NCAM1: variants seen among roughly 807,000 people sequenced by gnomAD.
NCAM1 encodes the protein neural cell adhesion molecule 1, also known as antigen recognized by monoclonal antibody 5.1H11.
NCAM1 carries 14 observed loss-of-function variants against 109.8 expected under a neutral mutation model. That is an observed-to-expected ratio of 0.13 (90% CI 0.08 to 0.20). NCAM1 has a LOEUF of 0.20. Among genes scored for constraint, NCAM1 ranks in the 10% least tolerant of loss-of-function variants. The probability of loss-of-function intolerance (pLI) is 1.00; values close to 1 mark genes in which losing one functional copy is unlikely to be tolerated. For missense variants in NCAM1, 774 were observed against 1,109.9 expected (o/e 0.70, Z 4.30); for synonymous variants, 418 against 442.9 (o/e 0.94, Z 0.70).
chr11:113,053,668 C>G (rs1953590423), intron 1 of NCAM1, among the ~76,000 whole-genome samples: 1 of 152,148 alleles, frequency 6.6e-6, no homozygotes, highest in Admixed American at 6.5e-5. Context: ...ATTTTCTAAA[C>G]TTTTCCCAGT....
rs535814539 is a variant in NCAM1 at position 113,227,077 on chromosome 11, G to C, written c.1090-4568G>C. On this transcript the variant is annotated intron_variant, in intron 9 of 19. Transcript: ENST00000316851. ...CTAGCAGAAGGCAAGAAATAACTAA[G>C]ATCAGAGCAGAACTGAAGGAGACAG... 7.8e-3 allele frequency among the ~76,000 whole-genome samples: 1,191 copies of C among 152,168 alleles called. 17 individuals carry two copies. The highest frequency in any genetic ancestry group is 0.028 in the African/African-American group (1,142 of 41,526).
At chr11:113,272,846 C>T (rs372637374) in intron 19 of NCAM1, 3 of 445,710 alleles carry the variant, frequency 6.7e-6, no homozygotes, top group East Asian at 7.0e-5. Flanking sequence ...CCCATGGTCC[C>T]TGTCCTGGGC....
At chr11:112,998,684 T>C (rs2134943659) in intron 1 of NCAM1, among the ~76,000 whole-genome samples, 1 of 152,228 alleles carries the variant, frequency 6.6e-6, no homozygotes, top group South Asian at 2.1e-4. Flanking sequence ...TCTCCCAGTT[T>C]CAGTTACCAC....
At chr11:113,275,014 G>A (rs1946372388) in intron 19 of NCAM1, among the ~76,000 whole-genome samples, 1 of 152,232 alleles carries the variant, frequency 6.6e-6, no homozygotes, top group African/African-American at 2.4e-5. Flanking sequence ...TCTCAACTAT[G>A]GCTGCACATT....
intron 1 of NCAM1, among the ~76,000 whole-genome samples, chr11:113,085,876 A>ATG (rs1423879495): frequency 6.6e-6 from 1 of 152,202 alleles, no homozygotes; most frequent in East Asian, 1.9e-4. Flanking sequence ...GTTCATATAT[A>ATG]TTCTATAAAT....
At chr11:113,149,982 A>G (rs72997770) in intron 1 of NCAM1, among the ~76,000 whole-genome samples, 1,943 of 152,312 alleles carry the variant, frequency 0.013, 17 homozygotes, top group Non-Finnish European at 0.021. Flanking sequence ...TCATTTGCAT[A>G]AAAGTGAGAA....
At chr11:113,200,807 G>A (rs1262819107) in intron 1 of NCAM1, among the ~76,000 whole-genome samples, 1 of 152,218 alleles carries the variant, frequency 6.6e-6, no homozygotes, top group Non-Finnish European at 1.5e-5. Flanking sequence ...AGCTCTGTGT[G>A]CTGCGACCAC....
intron 9 of NCAM1, among the ~76,000 whole-genome samples, chr11:113,226,171 C>T (rs1944840422): frequency 6.6e-6 from 1 of 152,228 alleles, no homozygotes; most frequent in Non-Finnish European, 1.5e-5. Context: ...CATCAGTGTG[C>T]TGTATTCAGG....
chr11:113,192,424 AG>A (rs10713812), intron 1 of NCAM1, among the ~76,000 whole-genome samples: 128,432 of 152,128 alleles, frequency 0.84, 54,305 homozygotes, highest in African/African-American at 0.89. Flanking sequence ...AGAACAGGAA[AG>A]GTGGCCTGAA....
intron 1 of NCAM1, among the ~76,000 whole-genome samples, chr11:113,168,356 A>G (rs1252618140): frequency 6.6e-6 from 1 of 152,098 alleles, no homozygotes; most frequent in African/African-American, 2.4e-5. Context: ...TTGGAATTCC[A>G]GCTCACATCT....
At chr11:113,087,517 A>G (rs1387971969) in intron 1 of NCAM1, among the ~76,000 whole-genome samples, 1 of 152,194 alleles carries the variant, frequency 6.6e-6, no homozygotes, top group African/African-American at 2.4e-5. Context: ...TTTGCCATTC[A>G]GTCTCATTTT....
At chr11:113,074,734 C>T (rs148296954) in intron 1 of NCAM1, among the ~76,000 whole-genome samples, 1,557 of 152,242 alleles carry the variant, frequency 0.01, 24 homozygotes, top group African/African-American at 0.036. Flanking sequence ...CAGGTTCAAG[C>T]GATTCTGCTG....
At chr11:113,231,129 G>A (rs782264232) in intron 9 of NCAM1, 55 of 1,394,590 alleles carry the variant, frequency 3.9e-5, no homozygotes, top group Middle Eastern at 1.7e-4. Flanking sequence ...CAGGAAAGAG[G>A]CATCTGCAGA....
chr11:113,094,028 A>T (rs1555089871), intron 1 of NCAM1, among the ~76,000 whole-genome samples: 1 of 152,198 alleles, frequency 6.6e-6, no homozygotes, highest in Non-Finnish European at 1.5e-5. Context: ...CTTTAAGGAT[A>T]GATAAAACAA....
chr11:113,083,226 T>C (rs1316908021), intron 1 of NCAM1, among the ~76,000 whole-genome samples: 1 of 152,200 alleles, frequency 6.6e-6, no homozygotes, highest in Non-Finnish European at 1.5e-5. Context: ...ATCCCTTCTA[T>C]AATTTCATCC....
chr11:113,079,567 A>C (rs1938692616), intron 1 of NCAM1, among the ~76,000 whole-genome samples: 1 of 152,248 alleles, frequency 6.6e-6, no homozygotes, highest in Non-Finnish European at 1.5e-5. Context: ...CATTGGGTTA[A>C]TGTGAACATG....
At chr11:113,141,091 G>A (rs1407783870) in intron 1 of NCAM1, among the ~76,000 whole-genome samples, 1 of 152,106 alleles carries the variant, frequency 6.6e-6, no homozygotes, top group Non-Finnish European at 1.5e-5. Flanking sequence ...TTGTAAGCCA[G>A]CTGTTCATTT....
intron 1 of NCAM1, among the ~76,000 whole-genome samples, chr11:113,091,117 A>G (rs1244943019): frequency 6.6e-6 from 1 of 152,180 alleles, no homozygotes; most frequent in African/African-American, 2.4e-5. Flanking sequence ...TCCAATCCAT[A>G]TCATGGCATC....
At chr11:113,052,329 G>A (rs1953532827) in intron 1 of NCAM1, among the ~76,000 whole-genome samples, 1 of 152,160 alleles carries the variant, frequency 6.6e-6, no homozygotes, top group Non-Finnish European at 1.5e-5. Flanking sequence ...GGAGTTTGAA[G>A]AACCCTTGAG....
Sources: gnomAD v4.1 joint callset for allele counts (sites outside exome capture counted in the v4.1 genomes callset) on GRCh38, gnomAD v4.1.1 for gene constraint, MANE v1.5 for transcripts, NCBI Gene and HGNC (gene_info 2026-07-23, HGNC 2026-07-21) for gene names.